Variants in TGM6 observed in about 807,000 individuals in gnomAD.
The protein encoded by TGM6 is protein-glutamine gamma-glutamyltransferase 6.
TGM6 carries 74 observed loss-of-function variants against 77.5 expected under a neutral mutation model. That is an observed-to-expected ratio of 0.96 (90% confidence interval 0.79 to 1.16). The LOEUF is 1.16. Ranked by LOEUF, TGM6 falls within the 50% of genes most tolerant of loss-of-function variation. TGM6 has a pLI of 0.00. For synonymous variants in TGM6, 383 were observed against 378.9 expected (o/e 1.01, Z -0.12); for missense variants, 968 against 940.2 (o/e 1.03, Z -0.39).
intron 4 of TGM6, 113 bp from the exon 5 acceptor site, chr20:2,397,805 G>A (rs2084678872): frequency 1.9e-6 from 3 of 1,571,506 alleles, no homozygotes; most frequent in African/African-American, 2.7e-5. Context: ...TGGTTGGAGG[G>A]GGCAGCAAAC....
intron 10 of TGM6, among the ~76,000 whole-genome samples, chr20:2,422,883 A>C (rs1568669919): frequency 6.6e-6 from 1 of 151,000 alleles, no homozygotes; most frequent in Non-Finnish European, 1.5e-5. Context: ...CCGGGAGTTC[A>C]AGGCTGCAGT....
At chr20:2,415,500 C>G (rs759807534) in intron 9 of TGM6, among the ~76,000 whole-genome samples, 8 of 152,146 alleles carry the variant, frequency 5.3e-5, no homozygotes, top group Non-Finnish European at 1.2e-4. Context: ...GATAGGAAAA[C>G]TAAAGCTTGC....
chr20:2,430,758 G>T (rs1297899454), intron 11 of TGM6, 136 bp from the exon 12 acceptor site: 2 of 1,585,090 alleles, frequency 1.3e-6, no homozygotes, highest in Non-Finnish European at 1.7e-6. Context: ...GGGTGCAATA[G>T]TGGCACTCAG....
intron 10 of TGM6, among the ~76,000 whole-genome samples, chr20:2,424,228 G>T (rs555872478): frequency 2.0e-5 from 3 of 152,146 alleles, no homozygotes; most frequent in Non-Finnish European, 4.4e-5. Context: ...CTTCTGTCCC[G>T]CTATGAAAGT....
chr20:2,388,911 A>G (rs1373249696), intron 1 of TGM6, among the ~76,000 whole-genome samples: 1 of 152,184 alleles, frequency 6.6e-6, no homozygotes, highest in Non-Finnish European at 1.5e-5. Context: ...ATGTAACTTC[A>G]GTGGTTCTCA....
intron 1 of TGM6, among the ~76,000 whole-genome samples, chr20:2,387,489 G>A (rs905131017): frequency 6.6e-6 from 1 of 152,184 alleles, no homozygotes; most frequent in Non-Finnish European, 1.5e-5. Context: ...TCAGCTATGT[G>A]AGTTCCTACC....
intron 10 of TGM6, among the ~76,000 whole-genome samples, chr20:2,429,255 C>T (rs924909325): frequency 2.0e-5 from 3 of 152,138 alleles, no homozygotes; most frequent in African/African-American, 4.8e-5. Flanking sequence ...GGAGAATCTA[C>T]GATATGCAAA....
intron 1 of TGM6, among the ~76,000 whole-genome samples, chr20:2,386,628 A>G (rs1474522487): frequency 1.3e-5 from 2 of 152,158 alleles, no homozygotes; most frequent in African/African-American, 4.8e-5. Flanking sequence ...GTATCCACCA[A>G]GAATTCGGCC....
chr20:2,396,178 C>G (rs1178220671), intron 3 of TGM6, among the ~76,000 whole-genome samples: 1 of 40,758 alleles, frequency 2.5e-5, no homozygotes, highest in African/African-American at 6.9e-5. Flanking sequence ...AAAACTCTAT[C>G]TCAAAAAAAA....
intron 1 of TGM6, among the ~76,000 whole-genome samples, chr20:2,385,412 G>A (rs2084587712): frequency 6.6e-6 from 1 of 152,108 alleles, no homozygotes; most frequent in Non-Finnish European, 1.5e-5. Flanking sequence ...GGGCTGAGAG[G>A]AGTCCTTGGG....
At chr20:2,405,344 C>T (rs2084742234) in intron 9 of TGM6, among the ~76,000 whole-genome samples, 1 of 152,204 alleles carries the variant, frequency 6.6e-6, no homozygotes, top group Non-Finnish European at 1.5e-5. Flanking sequence ...GCATTATGGC[C>T]ATTTTTAATC....
At chr20:2,431,110 G>T in intron 12 of TGM6, 83 bp downstream of exon 12, 1 of 1,575,016 alleles carries the variant, frequency 6.3e-7, no homozygotes, top group South Asian at 1.1e-5. Flanking sequence ...AGGGATGGGG[G>T]TGTGAGAGAG....
At chr20:2,415,760 A>G (rs2084811813) in intron 9 of TGM6, among the ~76,000 whole-genome samples, 1 of 152,030 alleles carries the variant, frequency 6.6e-6, no homozygotes, top group African/African-American at 2.4e-5. Flanking sequence ...TGGGATGAGG[A>G]ATGCTGCTGC....
In TGM6 at chr20:2,432,479, C is replaced by T. The variant is rs2076653; in HGVS notation, c.1968-11C>T. On this transcript the variant is annotated splice_polypyrimidine_tract_variant and intron_variant, in intron 12 of 12. Coordinates refer to ENST00000202625, the MANE Select transcript of TGM6 (RefSeq NM_198994.3). ...CTGACAGTCTGCCTTTCTCCCCTCC[C>T]CTTCCTCCAGCGTGCCTACCCTGGA... The T allele has an allele frequency of 0.38, 606,434 of 1,613,432 alleles. 119,099 individuals are homozygous for T. The highest frequency in any genetic ancestry group is 0.63 in the African/African-American group (47,209 of 74,930).
intron 1 of TGM6, among the ~76,000 whole-genome samples, chr20:2,382,247 G>A (rs1298794680): frequency 3.3e-5 from 5 of 152,036 alleles, no homozygotes; most frequent in African/African-American, 9.7e-5. Context: ...GGCCCTTCAG[G>A]CTCCTAGGAT....
chr20:2,418,812 C>T (rs1298492438), intron 10 of TGM6, among the ~76,000 whole-genome samples: 1 of 151,984 alleles, frequency 6.6e-6, no homozygotes, highest in Non-Finnish European at 1.5e-5. Context: ...CGCGGTGGCT[C>T]ACGCCTGTAA....
At chr20:2,428,591 T>C (rs1197177217) in intron 10 of TGM6, among the ~76,000 whole-genome samples, 1 of 152,168 alleles carries the variant, frequency 6.6e-6, no homozygotes, top group African/African-American at 2.4e-5. Context: ...ATATAAAGTA[T>C]TTGGCATCAT....
chr20:2,396,772 C>T, intron 4 of TGM6, 148 bp downstream of exon 4: 1 of 767,298 alleles, frequency 1.3e-6, no homozygotes, highest in Non-Finnish European at 2.2e-6. Context: ...CATTCATCTA[C>T]TATTCACTGG....
chr20:2,424,331 G>C (rs1365539830), intron 10 of TGM6, among the ~76,000 whole-genome samples: 1 of 152,222 alleles, frequency 6.6e-6, no homozygotes, highest in African/African-American at 2.4e-5. Flanking sequence ...ATCTTAGCTA[G>C]AGTCTCTGCA....
Sources: gnomAD v4.1 joint callset for allele counts (sites outside exome capture counted in the v4.1 genomes callset) on GRCh38, gnomAD v4.1.1 for gene constraint, MANE v1.5 for transcripts, NCBI Gene and HGNC (gene_info 2026-07-23, HGNC 2026-07-21) for gene names.